Variants in SAMSN1 observed in about 807,000 individuals in gnomAD.
SAMSN1 encodes the protein SAM domain-containing protein SAMSN-1.
SAMSN1 carries 31 observed loss-of-function variants against 42.0 expected under a neutral mutation model. The observed-to-expected ratio is 0.74, with a 90% CI of 0.55 to 1.00. The LOEUF is 1.00. Among genes scored for constraint, SAMSN1 ranks in the 50% least tolerant of loss-of-function variants. The pLI is 0.00. For synonymous variants in SAMSN1, 178 were observed against 151.9 expected (o/e 1.17, Z -1.26); for missense variants, 464 against 439.4 (o/e 1.06, Z -0.50).
chr21:14,533,908 G>A lies in SAMSN1; in HGVS notation c.57+12297C>T, dbSNP rs141312790. Among the ~76,000 whole-genome samples, 656 of 152,322 alleles carry A rather than the reference G, an allele frequency of 4.3e-3. 8 individuals carry two copies. Among genetic ancestry groups the A allele is most frequent in the African/African-American group, 0.015 (620 of 41,556 alleles). ...CCTTAGGTACACATCTCACCTAAGA[G>A]AAGTCTGTCCAGCCAAAAGGGATTT... On this transcript the variant is annotated intron_variant, in intron 1 of 7. Coordinates refer to ENST00000400566, the MANE Select transcript of SAMSN1 (RefSeq NM_022136.5).
intron 5 of SAMSN1, among the ~76,000 whole-genome samples, chr21:14,602,983 C>G (rs569134456): frequency 6.6e-6 from 1 of 152,284 alleles, no homozygotes; most frequent in African/African-American, 2.4e-5. Flanking sequence ...AGCTCAGTCT[C>G]AAAGTTATTT....
At chr21:14,547,183 C>T (rs927178860), upstream of SAMSN1, among the ~76,000 whole-genome samples, 1 of 152,114 alleles carries the variant, frequency 6.6e-6, no homozygotes, top group African/African-American at 2.4e-5. Flanking sequence ...TGTTACTTTT[C>T]TAATGTATTA....
At chr21:14,646,876 GCAAACCTCATGGTAAACT>G (rs1377321373) in intron 1 of SAMSN1, among the ~76,000 whole-genome samples, 2 of 152,052 alleles carry the variant, frequency 1.3e-5, no homozygotes, top group African/African-American at 4.8e-5. Context: ...CATAATATTT[GCAAACCTCATGGTAAACT>G]CAAACCAAAA....
intron 5 of SAMSN1, among the ~76,000 whole-genome samples, chr21:14,609,174 T>C (rs1205368838): frequency 6.6e-6 from 1 of 152,124 alleles, no homozygotes; most frequent in Non-Finnish European, 1.5e-5. Flanking sequence ...TATTTTCAAA[T>C]TTTTTGTACA....
intron 2 of SAMSN1, among the ~76,000 whole-genome samples, chr21:14,567,461 C>G (rs1038273882): frequency 1.1e-4 from 16 of 152,032 alleles, no homozygotes; most frequent in African/African-American, 3.9e-4. Context: ...TTTGTTAATA[C>G]CCTTTGCTTG....
At chr21:14,649,772 A>AACACACACACACACACAC (rs60905314) in intron 1 of SAMSN1, among the ~76,000 whole-genome samples, 1 of 135,646 alleles carries the variant, frequency 7.4e-6, no homozygotes, top group African/African-American at 3.0e-5. Context: ...ACTGTCTCAA[A>AACACACACACACACACAC]ACACACACAC....
At chr21:14,636,233 T>C (rs984107916) in intron 2 of SAMSN1, among the ~76,000 whole-genome samples, 11 of 152,182 alleles carry the variant, frequency 7.2e-5, no homozygotes, top group African/African-American at 2.7e-4. Flanking sequence ...TCTCTAGATA[T>C]CAGAACATAT....
At chr21:14,541,641 C>G (rs778060463) in intron 1 of SAMSN1, among the ~76,000 whole-genome samples, 4 of 152,068 alleles carry the variant, frequency 2.6e-5, no homozygotes, top group African/African-American at 9.7e-5. Flanking sequence ...ATTAGACACC[C>G]CTAGAGTAGA....
chr21:14,655,495 G>A lies in SAMSN1; in HGVS notation c.24+3253C>T, dbSNP rs145611992. Among the ~76,000 whole-genome samples the A allele has an allele frequency of 4.0e-3, 606 of 151,874 alleles. 3 individuals carry two copies. The highest frequency in any genetic ancestry group is 0.014 in the African/African-American group (573 of 41,508). On this transcript the variant is annotated intron_variant, in intron 1 of 15. Transcript: ENST00000647101. ...TATAAAACTACATTAAGACCAATTAGTGTTTAATATAGAAATGTAAGAATG... is the reference window on the plus strand; with the variant it reads ...TATAAAACTACATTAAGACCAATTAATGTTTAATATAGAAATGTAAGAATG...
intron 1 of SAMSN1, among the ~76,000 whole-genome samples, chr21:14,537,156 G>A (rs1174764306): frequency 6.6e-6 from 1 of 152,106 alleles, no homozygotes; most frequent in African/African-American, 2.4e-5. Context: ...TCTTTGCGGC[G>A]GCTCTTCCCG....
chr21:14,559,666 A>AT (rs200177062), intron 2 of SAMSN1, among the ~76,000 whole-genome samples: 2,153 of 146,530 alleles, frequency 0.015, 18 homozygotes, highest in South Asian at 0.047. Flanking sequence ...TGCCTGTCTA[A>AT]TTTTTTTTTT....
chr21:14,558,129 G>A (rs761974409), intron 2 of SAMSN1, among the ~76,000 whole-genome samples: 6 of 152,162 alleles, frequency 3.9e-5, no homozygotes, highest in African/African-American at 1.2e-4. Context: ...TAGGCCTATC[G>A]CTAGCACTAG....
At chr21:14,566,494 G>A (rs563732578) in intron 2 of SAMSN1, among the ~76,000 whole-genome samples, 72 of 152,056 alleles carry the variant, frequency 4.7e-4, no homozygotes, top group Admixed American at 1.3e-3. Flanking sequence ...AAGGCAGGGG[G>A]AGGTTGGCCC....
intron 1 of SAMSN1, among the ~76,000 whole-genome samples, chr21:14,647,473 T>C (rs1983738807): frequency 6.7e-6 from 1 of 149,242 alleles, no homozygotes; most frequent in African/African-American, 2.4e-5. Context: ...ATGTGGGCTC[T>C]TTTTTGGTTC....
chr21:14,534,943 T>C (rs185309184), intron 1 of SAMSN1, among the ~76,000 whole-genome samples: 3 of 152,306 alleles, frequency 2.0e-5, no homozygotes, highest in East Asian at 3.9e-4. Flanking sequence ...CTGGGGTAAC[T>C]GATGGAGGCT....
chr21:14,647,355 T>TGGTACC (rs1983736162), intron 1 of SAMSN1, among the ~76,000 whole-genome samples: 1 of 150,322 alleles, frequency 6.7e-6, no homozygotes, highest in South Asian at 2.2e-4. Context: ...ATCTCTGTTT[T>TGGTACC]GGTACCAGTA....
chr21:14,575,892 C>T (rs541525587), intron 2 of SAMSN1, among the ~76,000 whole-genome samples: 2 of 152,250 alleles, frequency 1.3e-5, no homozygotes, highest in Admixed American at 1.3e-4. Flanking sequence ...TTGCATATGT[C>T]TATTTTTCAA....
chr21:14,550,537 A>G (rs1331606551), upstream of SAMSN1, among the ~76,000 whole-genome samples: 1 of 152,116 alleles, frequency 6.6e-6, no homozygotes, highest in Non-Finnish European at 1.5e-5. Flanking sequence ...ATCTATCACC[A>G]GGATTAATTT....
intron 5 of SAMSN1, among the ~76,000 whole-genome samples, chr21:14,503,097 A>C (rs1275825944): frequency 7.9e-5 from 12 of 152,156 alleles, no homozygotes. Context: ...AAAATGATGG[A>C]TATCACACTC....
Sources: allele counts gnomAD v4.1 joint callset (sites outside exome capture counted in the v4.1 genomes callset), GRCh38; gene constraint gnomAD v4.1.1; transcripts MANE v1.5; gene names NCBI Gene and HGNC (gene_info 2026-07-23, HGNC 2026-07-21).